Variants in SPATA7 observed in about 807,000 individuals in gnomAD.
SPATA7 encodes the protein spermatogenesis associated 7.
In SPATA7, 43 loss-of-function variants were observed where a neutral mutation model predicts 51.8. That is an observed-to-expected ratio of 0.83 (90% confidence interval 0.65 to 1.07). The LOEUF is 1.07. SPATA7 is among the 50% of genes least tolerant of loss of function. The probability of loss-of-function intolerance (pLI) is 0.00; values close to 1 mark genes in which losing one functional copy is unlikely to be tolerated. For synonymous variants in SPATA7, 230 were observed against 252.8 expected, an observed-to-expected ratio of 0.91 and a Z score of 0.86; for missense variants, 683 against 701.3, an observed-to-expected ratio of 0.97 and a Z score of 0.30.
At chr14:88,462,710 T>C (rs2077325236) in intron 4 of SPATA7, among the ~76,000 whole-genome samples, 1 of 152,218 alleles carries the variant, frequency 6.6e-6, no homozygotes, top group Non-Finnish European at 1.5e-5. Flanking sequence ...TTTTACAGAT[T>C]TTAAAGTGCG....
At chr14:88,400,925 A>G (rs1221127021) in intron 4 of SPATA7, among the ~76,000 whole-genome samples, 1 of 152,218 alleles carries the variant, frequency 6.6e-6, no homozygotes, top group African/African-American at 2.4e-5. Flanking sequence ...CAAATATTCA[A>G]AGAAAGGATA....
intron 4 of SPATA7, among the ~76,000 whole-genome samples, chr14:88,460,526 C>G (rs2140060828): frequency 6.6e-6 from 1 of 152,312 alleles, no homozygotes; most frequent in East Asian, 1.9e-4. Context: ...GTGCATTCAT[C>G]ACGTAGTTCT....
At chr14:88,450,249 C>G (rs964633297) in intron 3 of SPATA7, among the ~76,000 whole-genome samples, 6 of 152,106 alleles carry the variant, frequency 3.9e-5, no homozygotes, top group African/African-American at 1.4e-4. Flanking sequence ...CTTATCCATT[C>G]TGCCATTTCA....
intron 4 of SPATA7, among the ~76,000 whole-genome samples, chr14:88,397,839 T>C (rs1238561420): frequency 4.6e-5 from 7 of 152,104 alleles, no homozygotes; most frequent in Non-Finnish European, 1.0e-4. Context: ...ATGTATACTT[T>C]ATGGGAGGCC....
intron 4 of SPATA7, 55 bp downstream of exon 4, chr14:88,396,258 C>A: frequency 1.6e-6 from 2 of 1,284,370 alleles, no homozygotes; most frequent in Non-Finnish European, 2.2e-6. Context: ...GGTAAATATA[C>A]ATAACATAAA....
intron 1 of SPATA7, among the ~76,000 whole-genome samples, chr14:88,386,502 G>A (rs2075580893): frequency 6.6e-6 from 1 of 152,124 alleles, no homozygotes; most frequent in Admixed American, 6.5e-5. Context: ...GTAATGCGGT[G>A]TTGCTGGTCA....
intron 4 of SPATA7, among the ~76,000 whole-genome samples, chr14:88,401,502 A>G (rs548307692): frequency 2.7e-3 from 410 of 152,294 alleles, no homozygotes; most frequent in Admixed American, 5.5e-3. Context: ...AGCCAGAGCA[A>G]TTAGACAAGA....
chr14:88,404,625 G>A (rs2076156219), intron 4 of SPATA7, among the ~76,000 whole-genome samples: 1 of 152,106 alleles, frequency 6.6e-6, no homozygotes, highest in African/African-American at 2.4e-5. Flanking sequence ...GCTGAGACAT[G>A]AGAATCACTT....
intron 7 of SPATA7, 70 bp from the exon 8 acceptor site, chr14:88,429,278 G>A: frequency 1.2e-6 from 1 of 804,306 alleles, no homozygotes; most frequent in East Asian, 2.5e-5. Context: ...CTTAAAATTT[G>A]CTGTGTTATA....
chr14:88,427,412 A>G (rs554397506), intron 6 of SPATA7, among the ~76,000 whole-genome samples: 63 of 152,182 alleles, frequency 4.1e-4, no homozygotes, highest in Non-Finnish European at 6.6e-4. Context: ...AAACAATTTA[A>G]GATTAGTATT....
intron 11 of SPATA7, 103 bp downstream of exon 11, chr14:88,437,700 T>G (rs2077127903): frequency 7.4e-7 from 1 of 1,350,920 alleles, no homozygotes; most frequent in Non-Finnish European, 1.0e-6. Context: ...AGTGCTTTTT[T>G]TTTCCCTTGA....
rs1383336971 is a variant in SPATA7, at chr14:88,429,438, G to A, written c.1003G>A (p.Asp335Asn). 2.5e-6 allele frequency: 4 copies of A among 1,611,666 alleles called. No individual in the cohort carries two copies. The African/African-American group carries it at 5.3e-5, about 22-fold the overall frequency. Residue 335 changes from aspartate to asparagine, a missense_variant, in exon 8 of 12, where the codon GAT (aspartate) becomes AAT (asparagine). Transcript: ENST00000393545. ...HDSTWDEIKD[D>N]ALQHSSPRAM... Reference sequence around the variant, plus strand: ...CTCAACATGGGATGAGATTAAGGATGATGCTCTTCAGCATTCCTCACCAAG... The same window carrying A: ...CTCAACATGGGATGAGATTAAGGATAATGCTCTTCAGCATTCCTCACCAAG...
At position 88,451,517 on chromosome 14, in the gene SPATA7, A is replaced by G. The variant is rs577379380; in HGVS notation, c.178-3543A>G. On this transcript the variant is annotated intron_variant, in intron 3 of 3. Transcript: ENST00000554802. ...TTTCACTGGAGATTTTTCCATTCAT[A>G]TCCTATATCTTTTTTTTTTTTTTCT... Among the ~76,000 whole-genome samples the G allele has an allele frequency of 1.0e-4, 15 of 145,428 alleles. No homozygotes were observed. The East Asian group carries it at 3.1e-3, about 30-fold the overall frequency.
chr14:88,456,738 A>G (rs1434516944), downstream of SPATA7, among the ~76,000 whole-genome samples: 3 of 151,972 alleles, frequency 2.0e-5, no homozygotes, highest in Non-Finnish European at 4.4e-5. Context: ...ATTAGATCCC[A>G]TTTGTCAATT....
exon 5 of SPATA7, chr14:88,470,164 AAG>A: frequency 1.0e-6 from 1 of 967,870 alleles, no homozygotes; most frequent in Non-Finnish European, 1.5e-6. Context: ...AAAAGTAAAA[AAG>A]TAGTAAACTG....
intron 4 of SPATA7, among the ~76,000 whole-genome samples, chr14:88,464,196 C>T (rs1249011325): frequency 6.6e-6 from 1 of 151,984 alleles, no homozygotes; most frequent in Non-Finnish European, 1.5e-5. Context: ...TTCTTATTTC[C>T]AGGAATTTGA....
intron 1 of SPATA7, 89 bp downstream of exon 1, chr14:88,385,926 G>C (rs2075559628): frequency 2.1e-6 from 3 of 1,398,716 alleles, no homozygotes; most frequent in Non-Finnish European, 2.8e-6. Flanking sequence ...TGAGTGCAAG[G>C]CCGCCCCTTG....
In SPATA7 at chr14:88,452,895, C is replaced by T. The variant is rs560642152; in HGVS notation, c.178-2165C>T. Among the ~76,000 whole-genome samples the T allele has an allele frequency of 3.3e-5, 5 of 152,278 alleles. No homozygotes were observed. In the East Asian group the frequency reaches 9.7e-4, roughly 29 times the overall value. ...GCACCCTGTGTCAATCACACCTACT[C>T]GCTTGTTCTTCACACATAGAGGTCC... On this transcript the variant is annotated intron_variant, in intron 3 of 3. Coordinates refer to the SPATA7 transcript ENST00000554802.
At position 88,396,935 on chromosome 14, in the gene SPATA7, C is replaced by A. The variant is rs147490423; in HGVS notation, c.238+732C>A. Among the ~76,000 whole-genome samples the A allele has an allele frequency of 3.7e-3, 543 of 146,880 alleles. 3 individuals are homozygous for A. The highest frequency in any genetic ancestry group is 4.5e-3 in the Non-Finnish European group (303 of 67,202). On this transcript the variant is annotated intron_variant, in intron 4 of 11. Transcript: ENST00000393545. ...GCCCTGGGGCTAAAGTGCAGTGGAACGATCTCACCTCACTGTAACCTCCAC... is the reference window on the plus strand; with the variant it reads ...GCCCTGGGGCTAAAGTGCAGTGGAAAGATCTCACCTCACTGTAACCTCCAC...
Sources: gnomAD v4.1 joint callset for allele counts (sites outside exome capture counted in the v4.1 genomes callset) on GRCh38, gnomAD v4.1.1 for gene constraint, MANE v1.5 for transcripts, NCBI Gene and HGNC (gene_info 2026-07-23, HGNC 2026-07-21) for gene names.